Variants in MCTP2 observed in about 807,000 individuals in gnomAD.
MCTP2 encodes multiple C2 and transmembrane domain-containing protein 2.
Under a neutral mutation model 111.6 loss-of-function variants are expected in MCTP2, and 132 were observed. The ratio of observed to expected loss-of-function variants is 1.18; its 90% CI spans 1.03 to 1.37. The LOEUF is 1.37. MCTP2 is among the 40% of genes most tolerant of loss of function. The pLI is 0.00. For synonymous variants in MCTP2, 395 were observed against 387.7 expected (o/e 1.02, Z -0.22); for missense variants, 1,183 against 1,067.9 (o/e 1.11, Z -1.50).
rs138220824 is a variant in MCTP2 at position 94,358,464 on chromosome 15, T to C, written c.1171-18T>C. 421 of 1,600,750 alleles carry C rather than the reference T, an allele frequency of 2.6e-4. No homozygotes were observed. Among genetic ancestry groups the C allele is most frequent in the Middle Eastern group, 2.5e-3 (15 of 5,954 alleles). On this transcript the variant is annotated intron_variant, in intron 9 of 22. Transcript: ENST00000357742. Reference sequence around the variant, plus strand: ...TGACATTTTAAGAAAATAAATATTATAACTGCATGTTTTCTAGACACTGTG... The same window carrying C: ...TGACATTTTAAGAAAATAAATATTACAACTGCATGTTTTCTAGACACTGTG...
intron 2 of MCTP2, among the ~76,000 whole-genome samples, chr15:94,299,522 TCAATA>T (rs2152337199): frequency 6.6e-6 from 1 of 152,338 alleles, no homozygotes; most frequent in East Asian, 1.9e-4. Flanking sequence ...CTTTAGTATT[TCAATA>T]CAATTAATTA....
intron 9 of MCTP2, among the ~76,000 whole-genome samples, chr15:94,358,101 T>C (rs2078727859): frequency 6.6e-6 from 1 of 152,254 alleles, no homozygotes; most frequent in South Asian, 2.1e-4. Flanking sequence ...TGAATGGATA[T>C]GCCAACAAAA....
In MCTP2 at chr15:94,398,970, G is replaced by A. The variant is rs1191245194; in HGVS notation, c.1798G>A (p.Gly600Arg). Reference sequence around the variant, plus strand: ...CTTTTGTTTGTGACAGATTAGAGATGGACAACCGAATTGTTATGTACTAAA... The same window carrying A: ...CTTTTGTTTGTGACAGATTAGAGATAGACAACCGAATTGTTATGTACTAAA... ...VAIPLLSIRD[G>R]QPNCYVLKNK... The change falls in exon 15 of 23, where the codon GGA becomes AGA. Residue 600 changes from glycine to arginine, a missense_variant. Physicochemically the swap from Gly to Arg is moderately radical, Grantham distance 125 (BLOSUM62 -2). Transcript: ENST00000357742. 1.3e-6 allele frequency: 2 copies of A among 1,546,048 alleles called. No individual in the cohort carries two copies. The highest frequency in any genetic ancestry group is 1.7e-5 in the Admixed American group (1 of 59,094).
At chr15:94,243,715 G>GTA (rs1246776763) in intron 1 of MCTP2, among the ~76,000 whole-genome samples, 1 of 126,464 alleles carries the variant, frequency 7.9e-6, no homozygotes, top group Non-Finnish European at 1.6e-5. Flanking sequence ...ACACATATAT[G>GTA]TATACACATA....
chr15:94,264,694 C>T (rs541831187), intron 1 of MCTP2, among the ~76,000 whole-genome samples: 1 of 152,298 alleles, frequency 6.6e-6, no homozygotes, highest in East Asian at 1.9e-4. Context: ...TAGGTTGGCA[C>T]ATAAGCCCTC....
At chr15:94,347,991 T>A (rs1365898892) in intron 8 of MCTP2, among the ~76,000 whole-genome samples, 1 of 152,160 alleles carries the variant, frequency 6.6e-6, no homozygotes, top group Non-Finnish European at 1.5e-5. Context: ...GCTATTTAGT[T>A]ATGGATTATC....
chr15:94,402,581 A>G, intron 17 of MCTP2: 1 of 1,551,532 alleles, frequency 6.4e-7, no homozygotes, highest in South Asian at 1.2e-5. Context: ...GCAGAATCAA[A>G]GCGCTGCAAG....
rs2081293413 is a variant in MCTP2, at chr15:94,396,572, CAGGG to C, written c.1789-2385_1789-2382del. Among the ~76,000 whole-genome samples the C allele has an allele frequency of 2.0e-5, 3 of 151,996 alleles. No individual in the cohort carries two copies. In the South Asian group the frequency reaches 6.2e-4, roughly 32 times the overall value. On this transcript the variant is annotated intron_variant, in intron 14 of 22. Coordinates refer to ENST00000357742, the MANE Select transcript of MCTP2 (RefSeq NM_001385001.1). ...TGTTTTAGAAGTTCAATTATATAAT[CAGGG>C]AGGAAAATATTTTTAAAAGTAGTCT... is the stretch of plus-strand genomic sequence containing the variant.
At chr15:94,379,876 A>C (rs1016827447) in intron 12 of MCTP2, among the ~76,000 whole-genome samples, 3 of 146,986 alleles carry the variant, frequency 2.0e-5, no homozygotes, top group African/African-American at 7.4e-5. Flanking sequence ...CATATAATCT[A>C]TACTTATATA....
chr15:94,439,848 G>A (rs1433148207), intron 17 of MCTP2, among the ~76,000 whole-genome samples: 1 of 152,116 alleles, frequency 6.6e-6, no homozygotes, highest in Admixed American at 6.6e-5. Context: ...CCTCACTTTT[G>A]GCAAAATTTG....
At chr15:94,368,942 G>A (rs2079342491) in intron 11 of MCTP2, among the ~76,000 whole-genome samples, 1 of 152,178 alleles carries the variant, frequency 6.6e-6, no homozygotes, top group African/African-American at 2.4e-5. Context: ...AATAGTGAGT[G>A]CTTCTTCAGC....
chr15:94,466,257 G>A (rs1306621204), intron 20 of MCTP2, among the ~76,000 whole-genome samples: 1 of 151,984 alleles, frequency 6.6e-6, no homozygotes, highest in Non-Finnish European at 1.5e-5. Flanking sequence ...TACTCATGGT[G>A]TCATGTGTCT....
intron 22 of MCTP2, 23 bp from the exon 23 acceptor site, chr15:94,478,943 A>T (rs1478867235): frequency 6.2e-7 from 1 of 1,612,896 alleles, no homozygotes; most frequent in Non-Finnish European, 8.5e-7. Flanking sequence ...AACCGCCAGC[A>T]TCACGGCTAT....
chr15:94,329,551 A>G (rs750886987), intron 4 of MCTP2, among the ~76,000 whole-genome samples: 1 of 152,130 alleles, frequency 6.6e-6, no homozygotes, highest in Non-Finnish European at 1.5e-5. Flanking sequence ...GGTGCCACAC[A>G]CTTTTAAACA....
intron 17 of MCTP2, chr15:94,402,881 A>G (rs2081671980): frequency 8.9e-7 from 1 of 1,123,924 alleles, no homozygotes; most frequent in Non-Finnish European, 1.1e-6. Context: ...AGTCATGATC[A>G]TTGGTGAATC....
intron 20 of MCTP2, among the ~76,000 whole-genome samples, chr15:94,465,657 ACT>A (rs1295330417): frequency 1.3e-5 from 2 of 152,028 alleles, no homozygotes; most frequent in Admixed American, 6.6e-5. Context: ...TCTCACCATC[ACT>A]GTCATTTCAC....
chr15:94,384,334 T>A lies in MCTP2; in HGVS notation c.1685+210T>A, dbSNP rs183252440. On this transcript the variant is annotated intron_variant, in intron 13 of 22. Transcript: ENST00000357742. ...CTGCAAGGGACTTTTATAGGAGGCA[T>A]TTGTAAAGTAGATCTTTTAGTGACT... Among the ~76,000 whole-genome samples the A allele has an allele frequency of 3.7e-4, 57 of 152,282 alleles. No homozygotes were observed. The East Asian group carries it at 9.6e-3, about 26-fold the overall frequency.
At chr15:94,256,015 G>A (rs907278990) in intron 1 of MCTP2, among the ~76,000 whole-genome samples, 1 of 151,996 alleles carries the variant, frequency 6.6e-6, no homozygotes, top group Non-Finnish European at 1.5e-5. Context: ...CTCCATTTTG[G>A]TGCTCAGAAT....
At chr15:94,468,869 C>T (rs993045870) in intron 20 of MCTP2, among the ~76,000 whole-genome samples, 1 of 152,170 alleles carries the variant, frequency 6.6e-6, no homozygotes. Context: ...CTCAAGTGAT[C>T]TGCCCACCTC....
Sources: allele counts gnomAD v4.1 joint callset (sites outside exome capture counted in the v4.1 genomes callset), GRCh38; gene constraint gnomAD v4.1.1; transcripts MANE v1.5; gene names NCBI Gene and HGNC (gene_info 2026-07-23, HGNC 2026-07-21).